The following OSBPL1A variants were observed in gnomAD, a reference collection of about 807,000 sequenced individuals.
OSBPL1A encodes oxysterol-binding protein-related protein 1.
OSBPL1A carries 80 observed loss-of-function variants against 137.1 expected under a neutral mutation model. The ratio of observed to expected loss-of-function variants is 0.58; its 90% CI spans 0.49 to 0.70. The LOEUF (loss-of-function observed/expected upper bound fraction) is 0.70, where lower values mean the gene tolerates loss of function less well. OSBPL1A is among the 30% of genes least tolerant of loss of function. The pLI is 0.00. For synonymous variants in OSBPL1A, 365 were observed against 389.7 expected (o/e 0.94, Z 0.75); for missense variants, 970 against 1,129.4 (o/e 0.86, Z 2.02).
chr18:24,353,986 G>A (rs1377842405), intron 4 of OSBPL1A, among the ~76,000 whole-genome samples: 1 of 151,620 alleles, frequency 6.6e-6, no homozygotes, highest in East Asian at 1.9e-4. Context: ...GTTAATGGGT[G>A]CAGCACACCA....
rs531289172 is a variant in OSBPL1A at position 24,163,569 on chromosome 18, C to T, written c.2751-288G>A. 2.0e-5 allele frequency among the ~76,000 whole-genome samples: 3 copies of T among 152,258 alleles called. No individual in the cohort carries two copies. In the East Asian group the frequency reaches 5.8e-4, roughly 29 times the overall value. ...GGTCTTCTAATAGGTTGGCTCGAAA[C>T]AATGTATTTGTCTAACGGGTTTACC... On this transcript the variant is annotated intron_variant, in intron 27 of 27. Transcript: ENST00000319481.
intron 15 of OSBPL1A, among the ~76,000 whole-genome samples, chr18:24,247,353 A>T (rs1457551078): frequency 6.6e-6 from 1 of 152,254 alleles, no homozygotes; most frequent in Admixed American, 6.5e-5. Flanking sequence ...AGTGAACTTG[A>T]CAAGGGCAGC....
At chr18:24,175,102 G>GTATA (rs2086390578) in intron 21 of OSBPL1A, among the ~76,000 whole-genome samples, 3 of 83,638 alleles carry the variant, frequency 3.6e-5, no homozygotes, top group African/African-American at 2.2e-4. Context: ...TATTTGCCAT[G>GTATA]TGTATGTATA....
chr18:24,285,976 G>A (rs911562322), intron 14 of OSBPL1A, among the ~76,000 whole-genome samples: 23 of 152,082 alleles, frequency 1.5e-4, no homozygotes, highest in African/African-American at 4.8e-4. Flanking sequence ...GGCTAACATG[G>A]TGAAACCCCA....
chr18:24,165,513 G>A (rs1015334332), intron 26 of OSBPL1A, among the ~76,000 whole-genome samples: 21 of 152,160 alleles, frequency 1.4e-4, no homozygotes, highest in Admixed American at 9.8e-4. Context: ...GAGACCTCAC[G>A]GAGCTTCTTC....
At chr18:24,248,005 TG>T (rs2088954692) in intron 15 of OSBPL1A, among the ~76,000 whole-genome samples, 1 of 152,070 alleles carries the variant, frequency 6.6e-6, no homozygotes, top group African/African-American at 2.4e-5. Flanking sequence ...GGAGAATTGC[TG>T]GAATAATGTT....
At position 24,219,672 on chromosome 18, in the gene OSBPL1A, A is replaced by G. The variant is rs867485689; in HGVS notation, c.1601+5370T>C. 5.3e-5 allele frequency among the ~76,000 whole-genome samples: 8 copies of G among 152,098 alleles called. 1 individual carries two copies. Among genetic ancestry groups the G allele is most frequent in the Non-Finnish European group, 7.4e-5 (5 of 68,004 alleles). Reference sequence around the variant, plus strand: ...CACCATCATTTGCTTAGAAAATGCTAGAACTGGAAGCAGTTCTAAAGAGTC... The same window carrying G: ...CACCATCATTTGCTTAGAAAATGCTGGAACTGGAAGCAGTTCTAAAGAGTC... On this transcript the variant is annotated intron_variant, in intron 17 of 27. Transcript: ENST00000319481.
chr18:24,183,198 C>T (rs1383499674), intron 18 of OSBPL1A, among the ~76,000 whole-genome samples: 2 of 151,690 alleles, frequency 1.3e-5, no homozygotes, highest in African/African-American at 2.4e-5. Context: ...ATAAAACTAT[C>T]GTTATTGTTT....
intron 15 of OSBPL1A, among the ~76,000 whole-genome samples, chr18:24,245,979 G>C (rs986528877): frequency 6.6e-6 from 1 of 152,090 alleles, no homozygotes; most frequent in African/African-American, 2.4e-5. Context: ...GGAGGTGGAG[G>C]CAGGTGGATC....
intron 26 of OSBPL1A, 121 bp from the exon 27 acceptor site, chr18:24,165,276 C>T: frequency 1.1e-6 from 1 of 890,082 alleles, no homozygotes; most frequent in South Asian, 1.7e-5. Context: ...TTTATTAGAA[C>T]ACAAATACCA....
intron 15 of OSBPL1A, among the ~76,000 whole-genome samples, chr18:24,267,679 A>G (rs2089611897): frequency 6.6e-6 from 1 of 152,194 alleles, no homozygotes; most frequent in South Asian, 2.1e-4. Context: ...TAAAAAAACC[A>G]TACAACCCTT....
chr18:24,284,751 G>A (rs562677526), intron 14 of OSBPL1A, among the ~76,000 whole-genome samples: 1 of 152,024 alleles, frequency 6.6e-6, no homozygotes, highest in African/African-American at 2.4e-5. Flanking sequence ...TCAAAATATT[G>A]GTGAATATTG....
At chr18:24,320,072 T>G (rs2090819457) in intron 7 of OSBPL1A, among the ~76,000 whole-genome samples, 1 of 151,396 alleles carries the variant, frequency 6.6e-6, no homozygotes, top group Non-Finnish European at 1.5e-5. Context: ...GGTGACAGAG[T>G]GAGACTCTGT....
At chr18:24,191,808 T>C (rs1465744903) in intron 18 of OSBPL1A, among the ~76,000 whole-genome samples, 5 of 152,194 alleles carry the variant, frequency 3.3e-5, no homozygotes, top group African/African-American at 1.2e-4. Context: ...CTTCTGGAAC[T>C]CAGTTTCACC....
intron 17 of OSBPL1A, among the ~76,000 whole-genome samples, chr18:24,199,681 A>C (rs1356132346): frequency 1.3e-5 from 2 of 152,210 alleles, no homozygotes; most frequent in African/African-American, 4.8e-5. Flanking sequence ...GCTACTCAAG[A>C]GAGAAGGACT....
At chr18:24,251,763 CAT>C (rs2146028294) in intron 15 of OSBPL1A, among the ~76,000 whole-genome samples, 1 of 152,246 alleles carries the variant, frequency 6.6e-6, no homozygotes, top group African/African-American at 2.4e-5. Context: ...GAAAGAGGGA[CAT>C]GTGACATTTC....
chr18:24,306,889 G>T (rs1302031322), intron 13 of OSBPL1A, among the ~76,000 whole-genome samples: 2 of 151,880 alleles, frequency 1.3e-5, no homozygotes, highest in African/African-American at 4.8e-5. Context: ...GAAAATGGCC[G>T]CTATTACAAG....
In OSBPL1A at chr18:24,239,386, G is replaced by T; in HGVS notation, c.1282-4C>A. 6.2e-7 allele frequency: 1 copy of T among 1,611,992 alleles called. No individual in the cohort carries two copies. The highest frequency in any genetic ancestry group is 2.2e-5 in the East Asian group (1 of 44,824). On this transcript the variant is annotated splice_region_variant and splice_polypyrimidine_tract_variant and intron_variant, in intron 15 of 27. Transcript: ENST00000319481. ...GTTCCAATTTAAAATTCCTCACCTA[G>T]AAGAAAACAGATATACAGAAAAGAC...
intron 23 of OSBPL1A, 104 bp downstream of exon 23, chr18:24,171,305 T>G: frequency 1.2e-6 from 1 of 842,256 alleles, no homozygotes; most frequent in Non-Finnish European, 1.9e-6. Flanking sequence ...GTGCTGGGAT[T>G]ATAGGTGTGA....
Sources: allele counts gnomAD v4.1 joint callset (sites outside exome capture counted in the v4.1 genomes callset), GRCh38; gene constraint gnomAD v4.1.1; transcripts MANE v1.5; gene names NCBI Gene and HGNC (gene_info 2026-07-23, HGNC 2026-07-21).